The following PPARGC1A variants were observed in gnomAD, a reference collection of about 807,000 sequenced individuals.
PPARGC1A encodes PPARG coactivator 1 alpha.
PPARGC1A carries 25 observed loss-of-function variants against 88.7 expected under a neutral mutation model. That is an observed-to-expected ratio of 0.28 (90% confidence interval 0.21 to 0.39). PPARGC1A has a LOEUF of 0.39. PPARGC1A is among the 10% of genes least tolerant of loss of function. The pLI, the probability that PPARGC1A is intolerant of heterozygous loss-of-function variation, is 1.00. For synonymous variants in PPARGC1A, 363 were observed against 355.6 expected (o/e 1.02, Z -0.24); for missense variants, 880 against 968.7 (o/e 0.91, Z 1.22).
the PPARGC1A span, among the ~76,000 whole-genome samples, chr4:24,128,920 G>T: frequency 4.6e-5 from 7 of 152,158 alleles, no homozygotes; most frequent in African/African-American, 1.7e-4. Flanking sequence ...GAATGACATA[G>T]AAAGTAACAA....
In PPARGC1A at chr4:23,872,326, C is replaced by A. The variant is rs528205119; in HGVS notation, c.234+12426G>T. 5.3e-5 allele frequency among the ~76,000 whole-genome samples: 8 copies of A among 152,236 alleles called. No homozygotes were observed. The South Asian group carries it at 1.5e-3, about 28-fold the overall frequency. ...GGCTTCCTCTTGTTTTCCCTCCACA[C>A]TCCCTGGCCACCCAGCACTTCCAAT... On this transcript the variant is annotated intron_variant, in intron 2 of 12. Coordinates refer to ENST00000264867, the MANE Select transcript of PPARGC1A (RefSeq NM_013261.5).
chr4:24,006,880 A>C, the PPARGC1A span, among the ~76,000 whole-genome samples: 1 of 152,192 alleles, frequency 6.6e-6, no homozygotes, highest in African/African-American at 2.4e-5. Context: ...CATAGACTGC[A>C]TTCTTCAACC....
At chr4:24,047,470 T>A in the PPARGC1A span, among the ~76,000 whole-genome samples, 1 of 152,202 alleles carries the variant, frequency 6.6e-6, no homozygotes, top group African/African-American at 2.4e-5. Context: ...TTTACATATA[T>A]CTATTTGAAT....
intron 2 of PPARGC1A, among the ~76,000 whole-genome samples, chr4:23,876,471 A>G (rs1046511219): frequency 6.6e-6 from 1 of 152,200 alleles, no homozygotes; most frequent in Non-Finnish European, 1.5e-5. Context: ...GCTTTCCTTC[A>G]AAGTTCAGAG....
the PPARGC1A span, among the ~76,000 whole-genome samples, chr4:24,193,583 TC>T: frequency 2.6e-5 from 4 of 152,170 alleles, no homozygotes; most frequent in Non-Finnish European, 2.9e-5. Flanking sequence ...TTTCCAACTC[TC>T]CCCACTTTCC....
At chr4:24,208,614 G>A in the PPARGC1A span, among the ~76,000 whole-genome samples, 2 of 144,204 alleles carry the variant, frequency 1.4e-5, no homozygotes, top group African/African-American at 5.1e-5. Flanking sequence ...AGGACCAAAA[G>A]ACAAATCAGG....
the PPARGC1A span, among the ~76,000 whole-genome samples, chr4:24,234,952 G>A: frequency 1.3e-5 from 2 of 152,170 alleles, no homozygotes; most frequent in Non-Finnish European, 2.9e-5. Flanking sequence ...ATGGAGACAC[G>A]TTAGCCTCTG....
chr4:23,828,403 G>C lies in PPARGC1A; in HGVS notation c.754C>G (p.Gln252Glu). The C allele has an allele frequency of 6.2e-7, 1 of 1,612,856 alleles. No homozygotes were observed. The highest frequency in any genetic ancestry group is 8.5e-7 in the Non-Finnish European group (1 of 1,178,916). The part of the protein sequence containing the change: ...SHTQSQSQHL[Q>E]AKPTTLSLPL... The stretch of plus-strand genomic sequence containing the variant: ...CTCGTTTTGGTCCCCAGCCTACCTT[G>C]TAAGTGTTGTGACTGCGACTGTGTG... The change falls in exon 5 of 13, where the codon CAA (glutamine) becomes GAA (glutamate). Residue 252 changes from glutamine to glutamate, a missense_variant. By Grantham distance (29) the Gln-to-Glu change is conservative. Coordinates refer to ENST00000264867, the MANE Select transcript of PPARGC1A (RefSeq NM_013261.5).
At chr4:23,954,547 G>A in the PPARGC1A span, among the ~76,000 whole-genome samples, 5 of 151,870 alleles carry the variant, frequency 3.3e-5, no homozygotes, top group African/African-American at 1.2e-4. Flanking sequence ...AAATATTCTT[G>A]GTAATCATAT....
chr4:24,122,405 G>T, the PPARGC1A span, among the ~76,000 whole-genome samples: 8 of 138,332 alleles, frequency 5.8e-5, no homozygotes, highest in Admixed American at 4.4e-4. Flanking sequence ...GTGTGTGTGT[G>T]TGTGTGTGTG....
the PPARGC1A span, among the ~76,000 whole-genome samples, chr4:24,072,100 C>T: frequency 6.8e-6 from 1 of 147,702 alleles, no homozygotes; most frequent in Non-Finnish European, 1.5e-5. Context: ...TAGTCCTCTT[C>T]AATAATTTCA....
chr4:23,907,569 T>C (rs1000253881), upstream of PPARGC1A, among the ~76,000 whole-genome samples: 21 of 152,174 alleles, frequency 1.4e-4, no homozygotes, highest in African/African-American at 5.1e-4. Context: ...TTAAGCTGCT[T>C]AACTTGTCTG....
chr4:23,842,102 A>G (rs1434489342), intron 2 of PPARGC1A, among the ~76,000 whole-genome samples: 1 of 152,092 alleles, frequency 6.6e-6, no homozygotes, highest in African/African-American at 2.4e-5. Flanking sequence ...TTATCTTCAT[A>G]TTGGGGACTA....
chr4:23,805,923 G>A (rs1200243846), intron 10 of PPARGC1A, among the ~76,000 whole-genome samples: 1 of 152,124 alleles, frequency 6.6e-6, no homozygotes, highest in Non-Finnish European at 1.5e-5. Context: ...ATGCCCATAT[G>A]CAGACATACT....
the PPARGC1A span, among the ~76,000 whole-genome samples, chr4:24,142,306 A>C: frequency 3.3e-5 from 5 of 152,204 alleles, no homozygotes; most frequent in Non-Finnish European, 7.3e-5. Flanking sequence ...ATATTACATC[A>C]GAGGGTGATA....
intron 10 of PPARGC1A, among the ~76,000 whole-genome samples, chr4:23,807,479 T>G (rs1180294955): frequency 6.6e-6 from 1 of 152,100 alleles, no homozygotes; most frequent in African/African-American, 2.4e-5. Context: ...AAAGGTAAGA[T>G]GCAAATAAAA....
At chr4:24,019,680 C>G in the PPARGC1A span, among the ~76,000 whole-genome samples, 1 of 152,196 alleles carries the variant, frequency 6.6e-6, no homozygotes, top group Non-Finnish European at 1.5e-5. Flanking sequence ...TTAGCTTTAA[C>G]ACCTCAGAAA....
At chr4:24,185,178 T>C in the PPARGC1A span, among the ~76,000 whole-genome samples, 6 of 152,214 alleles carry the variant, frequency 3.9e-5, no homozygotes, top group East Asian at 1.2e-3. Flanking sequence ...TTTTCCCTCA[T>C]GAAATACCAG....
the PPARGC1A span, among the ~76,000 whole-genome samples, chr4:24,133,630 G>A: frequency 6.6e-6 from 1 of 152,254 alleles, no homozygotes; most frequent in East Asian, 1.9e-4. Context: ...CAAGATAATT[G>A]TACGTCCCTC....
Sources: gnomAD v4.1 joint callset for allele counts (sites outside exome capture counted in the v4.1 genomes callset) on GRCh38, gnomAD v4.1.1 for gene constraint, MANE v1.5 for transcripts, NCBI Gene and HGNC (gene_info 2026-07-23, HGNC 2026-07-21) for gene names.